Variants in DST observed in about 807,000 individuals in gnomAD.
The protein encoded by DST is bullous pemphigoid antigen.
In DST, 253 loss-of-function variants were observed where a neutral mutation model predicts 875.2. That is an observed-to-expected ratio of 0.29 (90% CI 0.26 to 0.32). The LOEUF (loss-of-function observed/expected upper bound fraction) is 0.32, where lower values mean the gene tolerates loss of function less well. Ranked by LOEUF, DST falls within the 10% of genes least tolerant of loss-of-function variation. DST has a pLI of 1.00. For missense variants in DST, 8,287 were observed against 9,111.6 expected, an observed-to-expected ratio of 0.91 and a Z score of 3.68; for synonymous variants, 3,124 against 3,197.1, an observed-to-expected ratio of 0.98 and a Z score of 0.77.
chr6:56,515,414 T>C, intron 72 of DST, 36 bp downstream of exon 72: 1 of 1,600,246 alleles, frequency 6.2e-7, no homozygotes. Flanking sequence ...TCTCTTTTAA[T>C]GGGGAATACA....
At chr6:56,802,120 A>AT (rs889307104) in intron 4 of DST, among the ~76,000 whole-genome samples, 1 of 152,096 alleles carries the variant, frequency 6.6e-6, no homozygotes, top group Non-Finnish European at 1.5e-5. Flanking sequence ...TACCATTTCT[A>AT]TTTTTTGTTT....
intron 2 of DST, among the ~76,000 whole-genome samples, chr6:56,949,413 G>A (rs1019552580): frequency 3.3e-5 from 5 of 152,142 alleles, no homozygotes; most frequent in Non-Finnish European, 7.4e-5. Context: ...AGCCTCCGAT[G>A]CTCTCATTGC....
At position 56,938,918 on chromosome 6, in the gene DST, C is replaced by T. The variant is rs1208947331; in HGVS notation, c.216+14867G>A. 2.6e-5 allele frequency among the ~76,000 whole-genome samples: 4 copies of T among 152,246 alleles called. No individual in the cohort carries two copies. The East Asian group carries it at 5.8e-4, about 22-fold the overall frequency. On this transcript the variant is annotated intron_variant, in intron 2 of 103. Transcript: ENST00000680361. ...TGAGCCAAGCCTGACTCAGACCAGA[C>T]CAAGTGCCCAACTGGGCACAGCCCA...
intron 3 of DST, among the ~76,000 whole-genome samples, chr6:56,879,724 A>G (rs1347715629): frequency 6.6e-6 from 1 of 152,204 alleles, no homozygotes; most frequent in Non-Finnish European, 1.5e-5. Flanking sequence ...AATCCACACA[A>G]TAACACTCAC....
chr6:56,468,305 CTT>C (rs1489513870), intron 98 of DST, among the ~76,000 whole-genome samples: 1 of 140,166 alleles, frequency 7.1e-6, no homozygotes, highest in Non-Finnish European at 1.6e-5. Flanking sequence ...TTTATATTGA[CTT>C]AAGTGCCAAT....
In DST at chr6:56,517,536, G is replaced by C; in HGVS notation, c.18214C>G (p.Gln6072Glu). The change falls in exon 70 of 104, where the codon CAA becomes GAA. Residue 6072 changes from glutamine to glutamate, a missense_variant. Around this residue, in one of 10 missense-constraint regions of DST, gnomAD observed 777 missense variants for 764.8 expected, o/e 1.02. Coordinates refer to ENST00000680361, the MANE Select transcript of DST (RefSeq NM_001374736.1). ...LMSLGDIRLEQDQTSAQLQVQ... is the reference protein window; with the variant it reads ...LMSLGDIRLEEDQTSAQLQVQ... ...TGAAGCTGAGCAGAAGTCTGGTCTTGCTCAAGCCTGATGTCACCCAGAGAC... is the reference window on the plus strand; with the variant it reads ...TGAAGCTGAGCAGAAGTCTGGTCTTCCTCAAGCCTGATGTCACCCAGAGAC... 1 of 1,613,164 alleles carries C rather than the reference G, an allele frequency of 6.2e-7. No homozygotes were observed. The highest frequency in any genetic ancestry group is 1.1e-5 in the South Asian group (1 of 90,944).
intron 2 of DST, among the ~76,000 whole-genome samples, chr6:56,912,899 T>C (rs958876017): frequency 3.9e-5 from 6 of 152,202 alleles, no homozygotes; most frequent in African/African-American, 1.4e-4. Flanking sequence ...AAATTAGTTA[T>C]GTGCCAAGAA....
chr6:56,606,124 A>G lies in DST; in HGVS notation c.8504T>C (p.Met2835Thr), dbSNP rs377329549. Residue 2835 changes from methionine (M) to threonine (T), a missense_variant, in exon 40 of 104, where the codon ATG (methionine) becomes ACG (threonine). Physicochemically the swap from Met to Thr is moderately conservative, Grantham distance 81. Transcript: ENST00000680361. ...AATAGAGGCACACAACTGGATATCC[A>G]TATCTTCAGCCACATTTTGGCACCT... is the stretch of plus-strand genomic sequence containing the variant. ...KPRCQNVAED[M>T]DIQLCASILN... 6.2e-6 allele frequency: 10 copies of G among 1,612,698 alleles called. No homozygotes were observed. Among genetic ancestry groups the G allele is most frequent in the African/African-American group, 5.3e-5 (4 of 74,876 alleles).
At chr6:56,538,772 T>TA (rs1443017417) in intron 61 of DST, among the ~76,000 whole-genome samples, 1 of 152,168 alleles carries the variant, frequency 6.6e-6, no homozygotes, top group African/African-American at 2.4e-5. Context: ...AATAAATATT[T>TA]AAAAATCAAT....
intron 47 of DST, among the ~76,000 whole-genome samples, chr6:56,595,452 A>C (rs2098357643): frequency 6.6e-6 from 1 of 152,128 alleles, no homozygotes. Context: ...CTACTGTAAC[A>C]TTCTCACTAA....
rs200382338 is a variant in DST, at chr6:56,619,967, T to C, written c.4929+4563A>G. 6.2e-6 allele frequency: 10 copies of C among 1,614,148 alleles called. No individual in the cohort carries two copies. Among genetic ancestry groups the C allele is most frequent in the South Asian group, 3.3e-5 (3 of 91,072 alleles). Reference sequence around the variant, plus strand: ...GAGTTCTTCTGCTTTCTGCTTGTCATGTTCTTGCTGGAGACCCGTTACTGC... The same window carrying C: ...GAGTTCTTCTGCTTTCTGCTTGTCACGTTCTTGCTGGAGACCCGTTACTGC... On this transcript the variant is annotated intron_variant, in intron 36 of 103. Coordinates refer to ENST00000680361, the MANE Select transcript of DST (RefSeq NM_001374736.1).
chr6:56,870,431 CA>C (rs34119606), intron 3 of DST, among the ~76,000 whole-genome samples: 5,888 of 51,412 alleles, frequency 0.11, 83 homozygotes, highest in East Asian at 0.25. Flanking sequence ...CTTGCAACTG[CA>C]AAAAAAAAAA....
chr6:56,475,294 T>C (rs1302481300), intron 92 of DST, among the ~76,000 whole-genome samples: 3 of 152,006 alleles, frequency 2.0e-5, no homozygotes, highest in African/African-American at 7.2e-5. Flanking sequence ...CTTTCTGGAA[T>C]ATTTGTCACA....
Position 56,651,136 on chromosome 6 carries a change from A to G in DST, c.1323T>C (p.Pro441=). Residue 441 remains proline, a synonymous_variant, in exon 11 of 104, where the codon CCT becomes CCC. Coordinates refer to ENST00000680361, the MANE Select transcript of DST (RefSeq NM_001374736.1). The part of the protein sequence containing the change: ...EKIGVIRLLD[P]EDVDVSSPDE... ...ATAATCAAGAAAATAACTCACCTTC[A>G]GGGTCCAGAAGTCTTATAACACCAA... The G allele has an allele frequency of 1.2e-6, 2 of 1,608,930 alleles. No individual in the cohort carries two copies. Among genetic ancestry groups the G allele is most frequent in the South Asian group, 2.2e-5 (2 of 90,536 alleles).
At chr6:56,785,461 C>G (rs1387586499) in intron 4 of DST, among the ~76,000 whole-genome samples, 1 of 152,152 alleles carries the variant, frequency 6.6e-6, no homozygotes, top group East Asian at 1.9e-4. Flanking sequence ...AGTTTGATCT[C>G]AGACTGCTGT....
At chr6:56,799,684 C>A (rs1490383864) in intron 4 of DST, among the ~76,000 whole-genome samples, 1 of 151,538 alleles carries the variant, frequency 6.6e-6, no homozygotes, top group Non-Finnish European at 1.5e-5. Context: ...TGTAGTGGCA[C>A]AATCCCAGCT....
Position 56,498,017 on chromosome 6 carries a change from C to T in DST, c.19933G>A (p.Val6645Met), listed in dbSNP as rs1188914311. Residue 6645 changes from valine (V) to methionine (M), a missense_variant, in exon 81 of 104, where the codon GTG becomes ATG. Physicochemically the swap from Val to Met is conservative, Grantham distance 21. This residue lies in a region of DST where 1,292 missense variants were observed against 1,552.7 expected (regional missense o/e 0.83). Transcript: ENST00000680361. Reference protein sequence around the residue: ...QNDVLAHQSTVEAVNKAGNDL... With the variant: ...QNDVLAHQSTMEAVNKAGNDL... Reference sequence around the variant, plus strand: ...TTTCCTGCTTTATTAACGGCTTCCACTGTGGACTGATGGGCTAATACATCA... The same window carrying T: ...TTTCCTGCTTTATTAACGGCTTCCATTGTGGACTGATGGGCTAATACATCA... The T allele has an allele frequency of 6.2e-7, 1 of 1,613,278 alleles. No individual in the cohort carries two copies. Among genetic ancestry groups the T allele is most frequent in the Non-Finnish European group, 8.5e-7 (1 of 1,179,516 alleles).
intron 61 of DST, among the ~76,000 whole-genome samples, chr6:56,539,715 C>T (rs1010360973): frequency 2.6e-4 from 40 of 152,230 alleles, no homozygotes; most frequent in African/African-American, 8.7e-4. Flanking sequence ...ACTTTCTTAC[C>T]TCATTCACCA....
At chr6:56,884,685 T>G (rs1242860087) in intron 3 of DST, among the ~76,000 whole-genome samples, 1 of 152,138 alleles carries the variant, frequency 6.6e-6, no homozygotes, top group African/African-American at 2.4e-5. Flanking sequence ...CCCAGTAGTC[T>G]TTGATGCTTC....
Sources: gnomAD v4.1 joint callset for allele counts (sites outside exome capture counted in the v4.1 genomes callset) on GRCh38, gnomAD v4.1.1 for gene constraint, gnomAD v4.1.1 regional missense constraint, MANE v1.5 for transcripts, NCBI Gene and HGNC (gene_info 2026-07-23, HGNC 2026-07-21) for gene names.